Variants in PGS1 observed in about 807,000 individuals in gnomAD.
The protein encoded by PGS1 is phosphatidylglycerophosphate synthase 1.
Under a neutral mutation model 58.3 loss-of-function variants are expected in PGS1, and 44 were observed. The ratio of observed to expected loss-of-function variants is 0.75; its 90% CI spans 0.59 to 0.97. The LOEUF (loss-of-function observed/expected upper bound fraction) is 0.97. PGS1 is among the 50% of genes least tolerant of loss of function. PGS1 has a pLI of 0.00. For synonymous variants in PGS1, 330 were observed against 311.0 expected (o/e 1.06, Z -0.64); for missense variants, 684 against 731.1 (o/e 0.94, Z 0.74).
intron 3 of PGS1, among the ~76,000 whole-genome samples, chr17:78,397,379 A>C (rs1049706295): frequency 4.6e-5 from 7 of 151,642 alleles, no homozygotes; most frequent in African/African-American, 1.7e-4. Context: ...TGGAGTGTGG[A>C]GAGGGAGGTG....
chr17:78,405,981 T>C (rs1408560946), intron 7 of PGS1, among the ~76,000 whole-genome samples: 1 of 152,158 alleles, frequency 6.6e-6, no homozygotes, highest in Non-Finnish European at 1.5e-5. Context: ...GTTTTTGTTT[T>C]CTTTAAACCA....
chr17:78,399,554 G>C lies in PGS1; in HGVS notation c.701+17G>C. On this transcript the variant is annotated intron_variant, in intron 5 of 9. Transcript: ENST00000262764. ...CTTGAGCGGGTGAGTGCTTCCCACCGTCAGTGCTTTTGCCCTCCTGCTCTG... is the reference window on the plus strand; with the variant it reads ...CTTGAGCGGGTGAGTGCTTCCCACCCTCAGTGCTTTTGCCCTCCTGCTCTG... The C allele has an allele frequency of 6.2e-7, 1 of 1,612,820 alleles. No individual in the cohort carries two copies. The highest frequency in any genetic ancestry group is 8.5e-7 in the Non-Finnish European group (1 of 1,178,990).
At chr17:78,411,102 G>A (rs1219431564) in intron 7 of PGS1, among the ~76,000 whole-genome samples, 1 of 152,226 alleles carries the variant, frequency 6.6e-6, no homozygotes, top group African/African-American at 2.4e-5. Flanking sequence ...AGACACTCGG[G>A]CAGTTGGCCT....
intron 1 of PGS1, among the ~76,000 whole-genome samples, chr17:78,382,149 C>A (rs1433916653): frequency 6.6e-6 from 1 of 152,034 alleles, no homozygotes; most frequent in Non-Finnish European, 1.5e-5. Flanking sequence ...GTGATAGTGA[C>A]ATGGACTGCA....
At chr17:78,420,699 GCTTTTCCT>G in intron 9 of PGS1, 1 of 152,202 alleles carries the variant, frequency 6.6e-6, no homozygotes, top group Non-Finnish European at 1.5e-5. Context: ...TTTATCTGCA[GCTTTTCCT>G]AGTTATTTTA....
At chr17:78,397,506 G>A (rs924734547) in intron 3 of PGS1, among the ~76,000 whole-genome samples, 3 of 150,290 alleles carry the variant, frequency 2.0e-5, no homozygotes, top group East Asian at 3.9e-4. Flanking sequence ...GCGCGATCTC[G>A]GCTTGCCGCA....
At chr17:78,404,597 G>A (rs775559258) in intron 7 of PGS1, among the ~76,000 whole-genome samples, 1 of 152,022 alleles carries the variant, frequency 6.6e-6, no homozygotes. Context: ...GACTGTATAT[G>A]GTCACATTAT....
Position 78,424,275 on chromosome 17 carries a change from T to G in PGS1, c.*225T>G. The G allele has an allele frequency of 2.3e-6, 3 of 1,297,746 alleles. No individual in the cohort carries two copies. The allele number at this position is 1,297,746 out of a possible 1,614,324, so 80.4% of individuals were successfully genotyped here. A position where few individuals can be genotyped will look rare whatever the true frequency, so the allele number is the denominator to read the frequency against. ...AGAGCTGGGCTCTACCCCAAAAGGC[T>G]TCAGGCCAGCTGCCACGGCTGGAAG... is the stretch of plus-strand genomic sequence containing the variant. On this transcript the variant is annotated 3_prime_UTR_variant, in exon 10 of 10. Coordinates refer to ENST00000262764, the MANE Select transcript of PGS1 (RefSeq NM_024419.5).
At chr17:78,406,003 T>C (rs2084106689) in intron 7 of PGS1, among the ~76,000 whole-genome samples, 2 of 152,070 alleles carry the variant, frequency 1.3e-5, no homozygotes, top group South Asian at 2.1e-4. Flanking sequence ...TGTTTTTCAA[T>C]TGGGGGATGC....
At chr17:78,422,499 G>GC (rs1401877325) in intron 9 of PGS1, among the ~76,000 whole-genome samples, 2 of 152,088 alleles carry the variant, frequency 1.3e-5, no homozygotes, top group African/African-American at 2.4e-5. Context: ...GGGTGTGTTT[G>GC]CCTTTTTTCC....
In PGS1 at chr17:78,419,489, A is replaced by G. The variant is rs993115111; in HGVS notation, c.1552-57A>G. 1.5e-5 allele frequency: 22 copies of G among 1,490,736 alleles called. No individual in the cohort carries two copies. In the East Asian group the frequency reaches 4.1e-4, roughly 28 times the overall value. 92.3% of individuals were successfully genotyped at this position (1,490,736 alleles called of 1,614,324 possible). On this transcript the variant is annotated intron_variant, in intron 8 of 9. Transcript: ENST00000262764. Reference sequence around the variant, plus strand: ...GGGGCTGGGCTGGGGCCAGCCGGCCATGTGGTGTGGTGCTGGAGGGGACTC... The same window carrying G: ...GGGGCTGGGCTGGGGCCAGCCGGCCGTGTGGTGTGGTGCTGGAGGGGACTC...
chr17:78,423,865 G>A (rs903350683), intron 9 of PGS1, 196 bp from the exon 10 acceptor site: 5 of 1,607,296 alleles, frequency 3.1e-6, no homozygotes, highest in Non-Finnish European at 4.3e-6. Flanking sequence ...GCTGAGTTGT[G>A]GTCCAGCCCC....
intron 4 of PGS1, among the ~76,000 whole-genome samples, chr17:78,399,092 A>C (rs2083458005): frequency 6.6e-6 from 1 of 152,346 alleles, no homozygotes; most frequent in African/African-American, 2.4e-5. Flanking sequence ...TGCAGTTACC[A>C]GGAGAAGGGT....
chr17:78,407,874 C>A (rs537256039), intron 7 of PGS1, among the ~76,000 whole-genome samples: 1 of 152,186 alleles, frequency 6.6e-6, no homozygotes. Flanking sequence ...AAAATGACCC[C>A]GTGGCTCAGC....
chr17:78,392,686 A>G (rs760045403), intron 2 of PGS1, 21 bp downstream of exon 2: 24 of 1,606,894 alleles, frequency 1.5e-5, no homozygotes, highest in Non-Finnish European at 2.0e-5. Flanking sequence ...TCTAAAGGAA[A>G]GAAGTTTGAG....
At chr17:78,420,115 G>A in intron 9 of PGS1, 1 of 1,038,558 alleles carries the variant, frequency 9.6e-7, no homozygotes, top group South Asian at 3.3e-5. Context: ...CTGGCTTGCT[G>A]CCCTGGCCGG....
rs34088225 is a variant in PGS1, at chr17:78,403,746, G to A, written c.1059G>A (p.Pro353=). The change falls in exon 7 of 10, where the codon CCG becomes CCA. Residue 353 remains proline, a synonymous_variant. Coordinates refer to ENST00000262764, the MANE Select transcript of PGS1 (RefSeq NM_024419.5). ...RRPAPDTWIY[P]LIQMKPFEIQ... is the part of the protein sequence containing the mutation. ...CAGCCCCTGACACCTGGATTTATCC[G>A]CTGATTCAGATGAAGCCCTTCGAGA... The A allele has an allele frequency of 6.3e-3, 10,159 of 1,614,118 alleles. 496 individuals are homozygous for A. The African/African-American group carries it at 0.11, about 18-fold the overall frequency.
chr17:78,423,143 T>C (rs2086071551), intron 9 of PGS1, among the ~76,000 whole-genome samples: 1 of 149,202 alleles, frequency 6.7e-6, no homozygotes, highest in Non-Finnish European at 1.5e-5. Context: ...TTGGTCCCCC[T>C]GGGATCCGTC....
At chr17:78,383,369 G>A (rs980717559) in intron 1 of PGS1, among the ~76,000 whole-genome samples, 3 of 152,092 alleles carry the variant, frequency 2.0e-5, no homozygotes, top group African/African-American at 7.2e-5. Context: ...TGGGATTACA[G>A]GCATGTGCCA....
Sources: gnomAD v4.1 joint callset for allele counts (sites outside exome capture counted in the v4.1 genomes callset) on GRCh38, gnomAD v4.1.1 for gene constraint, MANE v1.5 for transcripts, NCBI Gene and HGNC (gene_info 2026-07-23, HGNC 2026-07-21) for gene names.